GPC6: variants seen among roughly 807,000 people sequenced by gnomAD.
The protein encoded by GPC6 is glypican-6.
A neutral mutation model predicts 55.2 loss-of-function variants in GPC6; 14 were observed. The ratio of observed to expected loss-of-function variants is 0.25; its 90% CI spans 0.17 to 0.40. The LOEUF (loss-of-function observed/expected upper bound fraction) is 0.40. Ranked by LOEUF, GPC6 falls within the 10% of genes least tolerant of loss-of-function variation. The pLI, the probability that GPC6 is intolerant of heterozygous loss-of-function variation, is 1.00. For missense variants in GPC6, 641 were observed against 708.5 expected, an observed-to-expected ratio of 0.90 and a Z score of 1.08; for synonymous variants, 278 against 259.6, an observed-to-expected ratio of 1.07 and a Z score of -0.68.
At chr13:93,228,329 C>G (rs1373133947) in intron 1 of GPC6, among the ~76,000 whole-genome samples, 1 of 152,172 alleles carries the variant, frequency 6.6e-6, no homozygotes, top group East Asian at 1.9e-4. Context: ...CACTCAGGGC[C>G]CGGGGACACC....
intron 3 of GPC6, among the ~76,000 whole-genome samples, chr13:93,953,474 C>T (rs1353695318): frequency 6.6e-6 from 1 of 152,138 alleles, no homozygotes. Flanking sequence ...TAAATAAGCC[C>T]TGTTTCTCCT....
chr13:94,188,783 A>C (rs1409485885), intron 4 of GPC6, among the ~76,000 whole-genome samples: 1 of 152,072 alleles, frequency 6.6e-6, no homozygotes, highest in Non-Finnish European at 1.5e-5. Flanking sequence ...CTGGTGACCG[A>C]TTTGTTATCA....
In GPC6 at chr13:94,382,749, G is replaced by T. The variant is rs574638864; in HGVS notation, c.1289+199G>T. Among the ~76,000 whole-genome samples, 4 of 152,190 alleles carry T rather than the reference G, an allele frequency of 2.6e-5. No homozygotes were observed. The South Asian group carries it at 8.3e-4, about 32-fold the overall frequency. On this transcript the variant is annotated intron_variant, in intron 7 of 8. Transcript: ENST00000377047. ...ACTTACTCTTAAGGTGCCATTAAGCGTGGAATCCTCATTCAGAATGTCTTG... is the reference window on the plus strand; with the variant it reads ...ACTTACTCTTAAGGTGCCATTAAGCTTGGAATCCTCATTCAGAATGTCTTG...
intron 1 of GPC6, among the ~76,000 whole-genome samples, chr13:93,376,225 T>C (rs746518892): frequency 6.6e-6 from 1 of 152,188 alleles, no homozygotes; most frequent in East Asian, 1.9e-4. Flanking sequence ...TGTTGTTATT[T>C]TGAGCCCCAG....
intron 2 of GPC6, among the ~76,000 whole-genome samples, chr13:93,593,393 G>A (rs544618455): frequency 2.0e-5 from 3 of 152,152 alleles, no homozygotes; most frequent in African/African-American, 7.2e-5. Context: ...GTAATATTGG[G>A]ATCATGATGT....
At chr13:94,101,593 T>C (rs1189701164) in intron 4 of GPC6, among the ~76,000 whole-genome samples, 3 of 152,220 alleles carry the variant, frequency 2.0e-5, no homozygotes, top group Non-Finnish European at 4.4e-5. Flanking sequence ...AAAGGTCTTA[T>C]AGTAACAGAT....
chr13:93,386,200 G>A (rs1875395706), intron 1 of GPC6, among the ~76,000 whole-genome samples: 1 of 151,672 alleles, frequency 6.6e-6, no homozygotes, highest in Non-Finnish European at 1.5e-5. Context: ...GCGAATAACT[G>A]TAGACGCTAT....
chr13:94,031,999 T>A (rs541355710), intron 4 of GPC6, among the ~76,000 whole-genome samples: 3 of 152,166 alleles, frequency 2.0e-5, no homozygotes, highest in Non-Finnish European at 4.4e-5. Context: ...AGAGAGAGAT[T>A]TCTAAAAGAT....
chr13:93,974,419 C>G (rs984075872), intron 3 of GPC6, among the ~76,000 whole-genome samples: 1 of 152,044 alleles, frequency 6.6e-6, no homozygotes, highest in Non-Finnish European at 1.5e-5. Context: ...TATCTTACAC[C>G]TACTATAATG....
At chr13:93,991,461 CA>C (rs1881303700) in intron 3 of GPC6, among the ~76,000 whole-genome samples, 1 of 152,120 alleles carries the variant, frequency 6.6e-6, no homozygotes, top group Non-Finnish European at 1.5e-5. Flanking sequence ...AGATGTTCAA[CA>C]GATAAATTAT....
intron 1 of GPC6, among the ~76,000 whole-genome samples, chr13:93,307,287 A>G (rs1878890555): frequency 1.3e-5 from 2 of 152,142 alleles, no homozygotes; most frequent in African/African-American, 4.8e-5. Context: ...CCTGCCTGTG[A>G]AAAGTGAATC....
At chr13:93,602,250 C>T (rs1165240167) in intron 2 of GPC6, among the ~76,000 whole-genome samples, 1 of 152,076 alleles carries the variant, frequency 6.6e-6, no homozygotes, top group Non-Finnish European at 1.5e-5. Context: ...AGAAAAAGTC[C>T]ACCATGGCTC....
chr13:93,545,922 G>A (rs2139434656), intron 2 of GPC6, among the ~76,000 whole-genome samples: 1 of 152,216 alleles, frequency 6.6e-6, no homozygotes, highest in Non-Finnish European at 1.5e-5. Context: ...TCTGTATAAG[G>A]TTTAGACCCT....
intron 4 of GPC6, among the ~76,000 whole-genome samples, chr13:94,113,238 G>T (rs1886313466): frequency 2.0e-5 from 3 of 152,040 alleles, no homozygotes; most frequent in Admixed American, 6.6e-5. Flanking sequence ...CCCATTGTCT[G>T]TGTTCTATGA....
intron 4 of GPC6, among the ~76,000 whole-genome samples, chr13:94,105,671 T>G (rs1344772738): frequency 6.6e-6 from 1 of 152,106 alleles, no homozygotes; most frequent in Non-Finnish European, 1.5e-5. Flanking sequence ...AGGGCGTGGT[T>G]GGAAGAAGAA....
chr13:93,909,953 C>T (rs1876876720), intron 3 of GPC6, among the ~76,000 whole-genome samples: 1 of 152,084 alleles, frequency 6.6e-6, no homozygotes, highest in Non-Finnish European at 1.5e-5. Flanking sequence ...CCTACCCACC[C>T]CAGGGCCAGG....
At chr13:94,231,604 T>C (rs1890730970) in intron 4 of GPC6, among the ~76,000 whole-genome samples, 1 of 152,158 alleles carries the variant, frequency 6.6e-6, no homozygotes. Context: ...TTGCTGTTAT[T>C]AAAAATTCAC....
chr13:93,837,414 C>G (rs1343015030), intron 3 of GPC6, among the ~76,000 whole-genome samples: 6 of 152,162 alleles, frequency 3.9e-5, no homozygotes, highest in African/African-American at 1.2e-4. Context: ...AAACTTCTGT[C>G]TTCTACAATC....
At chr13:93,939,742 A>G (rs1488097876) in intron 3 of GPC6, among the ~76,000 whole-genome samples, 1 of 152,072 alleles carries the variant, frequency 6.6e-6, no homozygotes, top group Non-Finnish European at 1.5e-5. Flanking sequence ...GAGCCACTGC[A>G]CCTAACCATA....
Sources: gnomAD v4.1 joint callset for allele counts (sites outside exome capture counted in the v4.1 genomes callset) on GRCh38, gnomAD v4.1.1 for gene constraint, MANE v1.5 for transcripts, NCBI Gene and HGNC (gene_info 2026-07-23, HGNC 2026-07-21) for gene names.